The following WWOX variants were observed in gnomAD, a reference collection of about 807,000 sequenced individuals.
WWOX encodes WW domain containing oxidoreductase, also known as WW domain-containing oxidoreductase.
Under a neutral mutation model 46.2 loss-of-function variants are expected in WWOX, and 69 were observed. That is an observed-to-expected ratio of 1.49 (90% CI 1.23 to 1.82). The LOEUF (loss-of-function observed/expected upper bound fraction) is 1.82. Ranked by LOEUF, WWOX falls within the 40% of genes most tolerant of loss-of-function variation. The pLI, the probability that WWOX is intolerant of heterozygous loss-of-function variation, is 0.00. For missense variants in WWOX, 919 were observed against 542.6 expected, an observed-to-expected ratio of 1.69 and a Z score of -6.89; for synonymous variants, 359 against 202.6, an observed-to-expected ratio of 1.77 and a Z score of -6.56.
At chr16:79,160,129 G>A (rs550421304) in intron 8 of WWOX, among the ~76,000 whole-genome samples, 1 of 152,202 alleles carries the variant, frequency 6.6e-6, no homozygotes, top group Non-Finnish European at 1.5e-5. Context: ...GCAAGAAGCC[G>A]TTGGAGTGGG....
At chr16:78,138,207 G>T (rs1485600085) in intron 4 of WWOX, among the ~76,000 whole-genome samples, 1 of 150,782 alleles carries the variant, frequency 6.6e-6, no homozygotes, top group Non-Finnish European at 1.5e-5. Flanking sequence ...AGCCAGCCCA[G>T]TTTTGCTGAC....
intron 4 of WWOX, among the ~76,000 whole-genome samples, chr16:78,122,056 A>C (rs1177490251): frequency 6.6e-6 from 1 of 152,178 alleles, no homozygotes; most frequent in Admixed American, 6.5e-5. Context: ...CCACATTTAC[A>C]TAACTTTTAT....
intron 8 of WWOX, among the ~76,000 whole-genome samples, chr16:78,703,801 A>C (rs959055806): frequency 6.6e-6 from 1 of 152,158 alleles, no homozygotes; most frequent in Non-Finnish European, 1.5e-5. Flanking sequence ...TTTGATTTTT[A>C]TGCTCTGAGT....
At chr16:78,208,761 G>C (rs1263711097) in intron 5 of WWOX, among the ~76,000 whole-genome samples, 1 of 152,148 alleles carries the variant, frequency 6.6e-6, no homozygotes. Flanking sequence ...TGATATCTTT[G>C]TAATGTTTAT....
chr16:79,150,947 C>G (rs1339446193), intron 8 of WWOX, among the ~76,000 whole-genome samples: 1 of 152,194 alleles, frequency 6.6e-6, no homozygotes, highest in Non-Finnish European at 1.5e-5. Flanking sequence ...CTTTTTCAGC[C>G]TAGTTTATTC....
chr16:78,495,505 A>G (rs1229790867), intron 8 of WWOX, among the ~76,000 whole-genome samples: 2 of 82,326 alleles, frequency 2.4e-5, no homozygotes, highest in Admixed American at 2.3e-4. Flanking sequence ...GTCATAGAAA[A>G]TGGTCTTTTT....
At chr16:79,033,477 G>A (rs1025533410) in intron 8 of WWOX, among the ~76,000 whole-genome samples, 1 of 151,820 alleles carries the variant, frequency 6.6e-6, no homozygotes, top group Admixed American at 6.6e-5. Flanking sequence ...TTTTATACTG[G>A]TTTTAGGCTC....
chr16:78,760,559 G>T (rs2049766928), intron 8 of WWOX, among the ~76,000 whole-genome samples: 2 of 152,178 alleles, frequency 1.3e-5, no homozygotes, highest in South Asian at 2.1e-4. Flanking sequence ...ACAGTCAGGA[G>T]AGGATGCCCA....
intron 6 of WWOX, among the ~76,000 whole-genome samples, chr16:78,421,506 T>C (rs6564547): frequency 0.088 from 13,350 of 152,186 alleles, 1,675 homozygotes; most frequent in African/African-American, 0.28. Flanking sequence ...CTTAATCACA[T>C]TTGCGAAGAC....
At chr16:78,521,305 C>T (rs896542479) in intron 8 of WWOX, among the ~76,000 whole-genome samples, 1 of 152,116 alleles carries the variant, frequency 6.6e-6, no homozygotes, top group East Asian at 1.9e-4. Context: ...GATCCTCCCA[C>T]CTCAGCCTCC....
chr16:78,954,602 A>T (rs2046127652), intron 8 of WWOX, among the ~76,000 whole-genome samples: 2 of 152,192 alleles, frequency 1.3e-5, no homozygotes, highest in Admixed American at 1.3e-4. Context: ...CTGGAAACAG[A>T]CACATAAATA....
intron 8 of WWOX, among the ~76,000 whole-genome samples, chr16:78,881,958 A>G (rs2044351666): frequency 6.6e-6 from 1 of 152,048 alleles, no homozygotes; most frequent in African/African-American, 2.4e-5. Context: ...CCTCATCTTT[A>G]CTACTAAAAA....
chr16:78,754,150 C>G (rs1371010034), intron 8 of WWOX, among the ~76,000 whole-genome samples: 1 of 152,144 alleles, frequency 6.6e-6, no homozygotes, highest in East Asian at 1.9e-4. Flanking sequence ...TCTGTGGCAG[C>G]TCTTTCTCTA....
chr16:78,629,058 G>C (rs545730137), intron 8 of WWOX, among the ~76,000 whole-genome samples: 1 of 152,284 alleles, frequency 6.6e-6, no homozygotes, highest in African/African-American at 2.4e-5. Context: ...TAACTGCAGT[G>C]TTTTATTGTG....
intron 8 of WWOX, among the ~76,000 whole-genome samples, chr16:78,788,420 T>G (rs1220939000): frequency 6.6e-6 from 1 of 152,182 alleles, no homozygotes; most frequent in Non-Finnish European, 1.5e-5. Flanking sequence ...TTTTTGATTG[T>G]GAGTCTTCAG....
Position 78,199,531 on chromosome 16 carries a change from G to A in WWOX, c.516+35242G>A, listed in dbSNP as rs138030533. Among the ~76,000 whole-genome samples, 17 of 152,258 alleles carry A rather than the reference G, an allele frequency of 1.1e-4. No homozygotes were observed. The East Asian group carries it at 3.1e-3, about 28-fold the overall frequency. ...CATGACCTTTGTACTACCCAGGAAA[G>A]CCAGTGTTCTCATGGGCTCTTCTCT... is the stretch of plus-strand genomic sequence containing the variant. On this transcript the variant is annotated intron_variant, in intron 5 of 8. Coordinates refer to ENST00000566780, the MANE Select transcript of WWOX (RefSeq NM_016373.4).
At chr16:79,189,066 G>C (rs917887421) in intron 8 of WWOX, among the ~76,000 whole-genome samples, 1 of 152,146 alleles carries the variant, frequency 6.6e-6, no homozygotes, top group East Asian at 1.9e-4. Flanking sequence ...AAAAAATACA[G>C]ATACGTGTAT....
chr16:78,749,521 C>A (rs574341216), intron 8 of WWOX, among the ~76,000 whole-genome samples: 10 of 151,924 alleles, frequency 6.6e-5, no homozygotes, highest in Non-Finnish European at 1.2e-4. Flanking sequence ...GTTGTTGTTA[C>A]AATTGTTGTT....
chr16:79,181,582 C>G (rs1402188372), intron 8 of WWOX, among the ~76,000 whole-genome samples: 1 of 151,970 alleles, frequency 6.6e-6, no homozygotes, highest in Non-Finnish European at 1.5e-5. Context: ...TGGCTGGAAG[C>G]ACTTCATCAT....
Sources: allele counts gnomAD v4.1 joint callset (sites outside exome capture counted in the v4.1 genomes callset), GRCh38; gene constraint gnomAD v4.1.1; transcripts MANE v1.5; gene names NCBI Gene and HGNC (gene_info 2026-07-23, HGNC 2026-07-21).